MTUS2: variants seen among roughly 807,000 people sequenced by gnomAD.
MTUS2 encodes the protein microtubule associated scaffold protein 2, also known as microtubule-associated tumor suppressor candidate 2.
A neutral mutation model predicts 114.1 loss-of-function variants in MTUS2; 40 were observed. The observed-to-expected ratio is 0.35, with a 90% CI of 0.27 to 0.46. MTUS2 has a LOEUF of 0.46. MTUS2 is among the 20% of genes least tolerant of loss of function. The pLI is 1.00. For synonymous variants in MTUS2, 688 were observed against 672.0 expected (o/e 1.02, Z -0.37); for missense variants, 1,679 against 1,705.4 (o/e 0.98, Z 0.27).
intron 2 of MTUS2, among the ~76,000 whole-genome samples, chr13:28,851,575 A>G (rs1876271269): frequency 6.6e-6 from 1 of 152,240 alleles, no homozygotes; most frequent in Non-Finnish European, 1.5e-5. Flanking sequence ...CTAAGAGGAA[A>G]TATAGATGAG....
chr13:29,130,168 A>G (rs886465062), intron 5 of MTUS2, among the ~76,000 whole-genome samples: 4 of 152,298 alleles, frequency 2.6e-5, no homozygotes, highest in South Asian at 2.1e-4. Flanking sequence ...ATATGTGTAG[A>G]TTTTGAGTAT....
chr13:29,114,881 T>C (rs1402642232), intron 5 of MTUS2, among the ~76,000 whole-genome samples: 1 of 152,204 alleles, frequency 6.6e-6, no homozygotes, highest in Non-Finnish European at 1.5e-5. Context: ...AAATACTGTT[T>C]AAACAGAAAA....
chr13:29,217,680 A>G (rs1412051791), intron 5 of MTUS2, among the ~76,000 whole-genome samples: 1 of 152,210 alleles, frequency 6.6e-6, no homozygotes. Context: ...CCTTTCACAA[A>G]TGATTTCTCT....
chr13:29,384,224 A>G (rs4769730), intron 8 of MTUS2, among the ~76,000 whole-genome samples: 92,029 of 152,178 alleles, frequency 0.6, 29,248 homozygotes, highest in East Asian at 0.73. Flanking sequence ...TCGTAGTGCA[A>G]CAAAGTAATG....
At chr13:29,446,750 A>C (rs371643287) in intron 9 of MTUS2, among the ~76,000 whole-genome samples, 1 of 152,184 alleles carries the variant, frequency 6.6e-6, no homozygotes, top group Non-Finnish European at 1.5e-5. Context: ...ATTTCATCTT[A>C]GTGTTGCTAG....
rs1467356782 is a variant in MTUS2, at chr13:29,389,344, C to CATAT, written c.3117+29871_3117+29872insATAT. ...ACATATGTGTGTATATATGTATGCA[C>CATAT]GTGTGTGTATATATGTATGCACGTG... is the stretch of plus-strand genomic sequence containing the variant. On this transcript the variant is annotated intron_variant, in intron 8 of 15. Transcript: ENST00000612955. Among the ~76,000 whole-genome samples the CATAT allele has an allele frequency of 6.5e-3, 363 of 55,892 alleles. 34 individuals are homozygous for CATAT. Among genetic ancestry groups the CATAT allele is most frequent in the South Asian group, 0.014 (20 of 1,426 alleles). The allele number at this position is 55,892 out of a possible 152,430, so 36.7% of individuals were successfully genotyped here. A position where few individuals can be genotyped will look rare whatever the true frequency, so the allele number is the denominator to read the frequency against.
At chr13:29,366,449 G>T (rs1177006023) in intron 8 of MTUS2, among the ~76,000 whole-genome samples, 2 of 151,998 alleles carry the variant, frequency 1.3e-5, no homozygotes, top group Admixed American at 6.6e-5. Context: ...GATTTGGGTG[G>T]GGACACAGCC....
chr13:29,076,457 A>G (rs1262556031), intron 4 of MTUS2, among the ~76,000 whole-genome samples: 1 of 152,230 alleles, frequency 6.6e-6, no homozygotes, highest in Non-Finnish European at 1.5e-5. Flanking sequence ...TGAGTGATCC[A>G]GTCTTGGAGC....
intron 6 of MTUS2, among the ~76,000 whole-genome samples, chr13:29,302,609 G>T (rs1224435749): frequency 6.6e-6 from 1 of 152,180 alleles, no homozygotes; most frequent in Non-Finnish European, 1.5e-5. Flanking sequence ...AGAATCACTA[G>T]CTTAGAGTCC....
intron 8 of MTUS2, among the ~76,000 whole-genome samples, chr13:29,365,065 A>G (rs1297900736): frequency 6.6e-6 from 1 of 152,206 alleles, no homozygotes; most frequent in East Asian, 1.9e-4. Flanking sequence ...CTGAAAGAAT[A>G]TTATGTGTCA....
At chr13:29,206,002 T>A (rs1895169361) in intron 5 of MTUS2, among the ~76,000 whole-genome samples, 1 of 152,164 alleles carries the variant, frequency 6.6e-6, no homozygotes, top group African/African-American at 2.4e-5. Context: ...TCCATAGTGG[T>A]TTGTACTAGT....
intron 5 of MTUS2, among the ~76,000 whole-genome samples, chr13:29,223,092 T>C (rs1577476): frequency 0.83 from 127,013 of 152,154 alleles, 53,230 homozygotes; most frequent in African/African-American, 0.91. Context: ...CAGATGGGCT[T>C]CTGGGCAGAA....
chr13:28,844,721 A>G (rs1272999897), intron 2 of MTUS2, among the ~76,000 whole-genome samples: 1 of 151,970 alleles, frequency 6.6e-6, no homozygotes, highest in Non-Finnish European at 1.5e-5. Flanking sequence ...GGCTCAGGTA[A>G]TTCTCATGCC....
intron 8 of MTUS2, among the ~76,000 whole-genome samples, chr13:29,366,798 C>G (rs1467634231): frequency 5.3e-5 from 8 of 152,138 alleles, no homozygotes; most frequent in Non-Finnish European, 7.3e-5. Flanking sequence ...AGTTGCCTGT[C>G]AAGGCTGAGC....
intron 7 of MTUS2, among the ~76,000 whole-genome samples, chr13:29,345,450 G>T (rs1868569364): frequency 6.6e-6 from 1 of 151,322 alleles, no homozygotes. Flanking sequence ...TGATTCTATT[G>T]GTGACAGTTT....
At chr13:28,904,734 C>G (rs566324605) in intron 2 of MTUS2, among the ~76,000 whole-genome samples, 2 of 151,966 alleles carry the variant, frequency 1.3e-5, no homozygotes, top group African/African-American at 4.8e-5. Context: ...CTTGGCAATG[C>G]GGGCTGTTTT....
At chr13:29,278,625 T>A (rs942018733) in intron 5 of MTUS2, among the ~76,000 whole-genome samples, 2 of 152,238 alleles carry the variant, frequency 1.3e-5, no homozygotes, top group Non-Finnish European at 2.9e-5. Context: ...CTACATTTAC[T>A]ATCTCTGGTT....
At chr13:29,058,266 A>T (rs181548121) in intron 4 of MTUS2, among the ~76,000 whole-genome samples, 3 of 148,362 alleles carry the variant, frequency 2.0e-5, no homozygotes, top group Admixed American at 6.8e-5. Context: ...AGGGATGGTC[A>T]TCTTGTATAG....
intron 9 of MTUS2, among the ~76,000 whole-genome samples, chr13:29,471,553 T>C (rs3011615): frequency 0.28 from 42,954 of 151,962 alleles, 6,600 homozygotes; most frequent in African/African-American, 0.41. Context: ...CCTTGCCCAC[T>C]GCTGCGGGAG....
Sources: allele counts gnomAD v4.1 joint callset (sites outside exome capture counted in the v4.1 genomes callset), GRCh38; gene constraint gnomAD v4.1.1; transcripts MANE v1.5; gene names NCBI Gene and HGNC (gene_info 2026-07-23, HGNC 2026-07-21).